SBF2: variants seen among roughly 807,000 people sequenced by gnomAD.
The protein encoded by SBF2 is myotubularin-related protein 13.
Under a neutral mutation model 225.2 loss-of-function variants are expected in SBF2, and 112 were observed. That is an observed-to-expected ratio of 0.50 (90% CI 0.43 to 0.58). SBF2 has a LOEUF of 0.58. Ranked by LOEUF, SBF2 falls within the 20% of genes least tolerant of loss-of-function variation. The probability of loss-of-function intolerance (pLI) is 0.00; values close to 1 mark genes in which losing one functional copy is unlikely to be tolerated. For missense variants in SBF2, 1,996 were observed against 2,206.2 expected (o/e 0.90, Z 1.91); for synonymous variants, 763 against 773.3 (o/e 0.99, Z 0.22).
chr11:10,094,528 A>ATTTTTTTTTTT (rs60485793), intron 2 of SBF2, among the ~76,000 whole-genome samples: 16,020 of 105,546 alleles, frequency 0.15, 2,370 homozygotes, highest in Non-Finnish European at 0.22. Context: ...ATACACACAG[A>ATTTTTTTTTTT]TTTTTTTTTT....
In SBF2 at chr11:9,918,503, G is replaced by A. The variant is rs556902996; in HGVS notation, c.1861-22492C>T. Among the ~76,000 whole-genome samples the A allele has an allele frequency of 3.2e-4, 48 of 152,060 alleles. 1 individual carries two copies. The highest frequency in any genetic ancestry group is 8.9e-4 in the African/African-American group (37 of 41,468). On this transcript the variant is annotated intron_variant, in intron 16 of 39. Coordinates refer to ENST00000256190, the MANE Select transcript of SBF2 (RefSeq NM_030962.4). The stretch of plus-strand genomic sequence containing the variant: ...TGAGTAGCTGGAACTACAGGTGCAC[G>A]CCACCATGCCTGGCTAATTTTTGTA...
intron 2 of SBF2, among the ~76,000 whole-genome samples, chr11:10,053,709 C>T (rs778762250): frequency 2.0e-5 from 3 of 151,394 alleles, no homozygotes; most frequent in Non-Finnish European, 2.9e-5. Flanking sequence ...GAGCTGAGAT[C>T]GCACCACCAC....
intron 25 of SBF2, among the ~76,000 whole-genome samples, chr11:9,840,759 T>C (rs956521598): frequency 1.7e-4 from 26 of 152,238 alleles, no homozygotes; most frequent in Admixed American, 1.6e-3. Flanking sequence ...CAGAGAGGTA[T>C]AAAGGAGTTA....
intron 17 of SBF2, among the ~76,000 whole-genome samples, chr11:9,881,744 C>T (rs532138722): frequency 6.6e-6 from 1 of 151,914 alleles, no homozygotes; most frequent in African/African-American, 2.4e-5. Context: ...CCATCCCCCC[C>T]CAATTAAACA....
intron 17 of SBF2, among the ~76,000 whole-genome samples, chr11:9,881,292 A>G (rs1859741910): frequency 6.6e-6 from 1 of 152,198 alleles, no homozygotes; most frequent in African/African-American, 2.4e-5. Flanking sequence ...AACATTTTTC[A>G]GAATTCCAAA....
At chr11:9,985,913 T>C (rs1947179918) in intron 13 of SBF2, among the ~76,000 whole-genome samples, 1 of 152,166 alleles carries the variant, frequency 6.6e-6, no homozygotes, top group Non-Finnish European at 1.5e-5. Flanking sequence ...GGATTTAAAC[T>C]ACATCTTGGA....
intron 1 of SBF2, among the ~76,000 whole-genome samples, chr11:10,292,603 C>T (rs919554216): frequency 2.7e-5 from 4 of 149,304 alleles, no homozygotes; most frequent in Admixed American, 1.3e-4. Context: ...TGCTTCAACC[C>T]GGGAGACAGA....
At chr11:10,146,927 A>C (rs1053756208) in intron 2 of SBF2, among the ~76,000 whole-genome samples, 2 of 152,168 alleles carry the variant, frequency 1.3e-5, no homozygotes, top group African/African-American at 2.4e-5. Flanking sequence ...TTTTCAAAAG[A>C]AGACATGCAT....
rs952632460 is a variant in SBF2, at chr11:10,009,721, C to T, written c.620-7032G>A. On this transcript the variant is annotated intron_variant, in intron 6 of 39. Transcript: ENST00000256190. ...TGTGAACAGTGCTGCAATAAACATA[C>T]GTGTGCATGTGTCTTTACAGAATGA... 5.3e-4 allele frequency among the ~76,000 whole-genome samples: 80 copies of T among 152,274 alleles called. 1 individual carries two copies. The highest frequency in any genetic ancestry group is 2.2e-4 in the African/African-American group (9 of 41,566).
intron 2 of SBF2, among the ~76,000 whole-genome samples, chr11:10,151,311 G>T (rs555115249): frequency 1.1e-3 from 172 of 152,258 alleles, no homozygotes; most frequent in African/African-American, 4.0e-3. Flanking sequence ...GCTGATTAGG[G>T]AGGAAGAGCA....
At chr11:10,223,176 A>T (rs901502247) in intron 1 of SBF2, among the ~76,000 whole-genome samples, 1 of 151,744 alleles carries the variant, frequency 6.6e-6, no homozygotes, top group East Asian at 1.9e-4. Flanking sequence ...AAGTACCAAC[A>T]TCAATTATGT....
intron 1 of SBF2, among the ~76,000 whole-genome samples, chr11:10,291,378 G>A (rs143092723): frequency 3.9e-5 from 6 of 152,272 alleles, no homozygotes; most frequent in African/African-American, 1.4e-4. Context: ...CACTGAATCT[G>A]TCAGAGTCTT....
At chr11:9,994,332 G>T (rs867094172) in intron 9 of SBF2, among the ~76,000 whole-genome samples, 1 of 151,624 alleles carries the variant, frequency 6.6e-6, no homozygotes, top group Non-Finnish European at 1.5e-5. Flanking sequence ...AAAATTAGCC[G>T]GGCGTGGTGG....
At chr11:9,855,095 G>A (rs893572713) in intron 19 of SBF2, among the ~76,000 whole-genome samples, 2 of 152,138 alleles carry the variant, frequency 1.3e-5, no homozygotes, top group Non-Finnish European at 2.9e-5. Context: ...AGATCCTTTT[G>A]GCAGTAGAAA....
intron 1 of SBF2, among the ~76,000 whole-genome samples, chr11:10,300,364 A>G (rs1964583905): frequency 6.6e-6 from 1 of 152,202 alleles, no homozygotes; most frequent in Non-Finnish European, 1.5e-5. Context: ...ATTCAGGCTT[A>G]TAAATCAGAA....
chr11:10,300,962 C>A (rs1048819189), intron 1 of SBF2, among the ~76,000 whole-genome samples: 2 of 152,050 alleles, frequency 1.3e-5, no homozygotes, highest in African/African-American at 4.8e-5. Flanking sequence ...TCTTCTCTTT[C>A]ATTTGTTCTG....
chr11:10,046,529 T>C (rs1327695863), intron 2 of SBF2, among the ~76,000 whole-genome samples: 1 of 151,938 alleles, frequency 6.6e-6, no homozygotes, highest in Non-Finnish European at 1.5e-5. Context: ...ATCATACCAA[T>C]AGATGCAGAA....
intron 16 of SBF2, among the ~76,000 whole-genome samples, chr11:9,955,965 T>C (rs1866138400): frequency 6.6e-6 from 1 of 152,136 alleles, no homozygotes; most frequent in South Asian, 2.1e-4. Flanking sequence ...AGTGGATCCA[T>C]ATTATAGTTG....
In SBF2 at chr11:9,853,537, T is replaced by C. The variant is rs764939029; in HGVS notation, c.2536+3A>G. 1.9e-6 allele frequency: 3 copies of C among 1,613,012 alleles called. No homozygotes were observed. Among genetic ancestry groups the C allele is most frequent in the South Asian group, 2.2e-5 (2 of 91,052 alleles). ...GATTCTCTAATATCTGCAGAGTGAT[T>C]ACCTGGTATCATGCAATGAAGGCTC... On this transcript the variant is annotated splice_donor_region_variant and intron_variant, in intron 20 of 39. Coordinates refer to ENST00000256190, the MANE Select transcript of SBF2 (RefSeq NM_030962.4).
Sources: gnomAD v4.1 joint callset for allele counts (sites outside exome capture counted in the v4.1 genomes callset) on GRCh38, gnomAD v4.1.1 for gene constraint, MANE v1.5 for transcripts, NCBI Gene and HGNC (gene_info 2026-07-23, HGNC 2026-07-21) for gene names.